Variants in EBF2 observed in about 807,000 individuals in gnomAD.
EBF2 encodes the protein EBF transcription factor 2.
A neutral mutation model predicts 72.8 loss-of-function variants in EBF2; 21 were observed. That is an observed-to-expected ratio of 0.29 (90% CI 0.20 to 0.42). EBF2 has a LOEUF of 0.42. EBF2 is among the 10% of genes least tolerant of loss of function. EBF2 has a pLI of 1.00. For missense variants in EBF2, 637 were observed against 731.2 expected (o/e 0.87, Z 1.49); for synonymous variants, 299 against 274.2 (o/e 1.09, Z -0.89).
intron 14 of EBF2, among the ~76,000 whole-genome samples, chr8:25,856,943 A>G (rs1585260610): frequency 1.3e-5 from 2 of 152,156 alleles, no homozygotes; most frequent in South Asian, 2.1e-4. Context: ...CCTGAACCAT[A>G]TTTGTTTCTT....
chr8:25,868,704 G>A (rs956760489), intron 10 of EBF2, among the ~76,000 whole-genome samples: 39 of 152,142 alleles, frequency 2.6e-4, no homozygotes, highest in African/African-American at 9.2e-4. Context: ...TTGAACTCCT[G>A]AGCTCAAGCA....
chr8:25,887,761 C>T, intron 9 of EBF2, 81 bp downstream of exon 9: 1 of 1,418,828 alleles, frequency 7.0e-7, no homozygotes, highest in African/African-American at 1.4e-5. Context: ...CTTTTTTACC[C>T]TTGGTGTTTG....
chr8:25,897,196 A>T (rs1563392678), intron 7 of EBF2, among the ~76,000 whole-genome samples: 1 of 151,540 alleles, frequency 6.6e-6, no homozygotes. Context: ...ATTACTCCTG[A>T]GAAGACGTGC....
At chr8:25,886,911 T>C (rs1802699054) in intron 9 of EBF2, 30 bp from the exon 10 acceptor site, 1 of 1,607,768 alleles carries the variant, frequency 6.2e-7, no homozygotes, top group South Asian at 1.1e-5. Context: ...GGAAATAAAA[T>C]ACCCATTAGA....
chr8:25,869,308 TCTCA>T lies in EBF2; in HGVS notation c.1010-6515_1010-6512del, dbSNP rs567258581. Among the ~76,000 whole-genome samples the T allele has an allele frequency of 1.8e-4, 27 of 152,260 alleles. No homozygotes were observed. The South Asian group carries it at 5.6e-3, about 32-fold the overall frequency. ...TCAACTTTCTGCTTGTGCCACTGGT[TCTCA>T]CTCCTCAAGTTGGAGACAGGGGAGC... On this transcript the variant is annotated intron_variant, in intron 10 of 15. Transcript: ENST00000520164.
intron 6 of EBF2, among the ~76,000 whole-genome samples, chr8:25,987,750 C>T (rs1239675472): frequency 6.6e-6 from 1 of 152,142 alleles, no homozygotes; most frequent in African/African-American, 2.4e-5. Flanking sequence ...GAACCCACCC[C>T]CATTCCAATG....
chr8:25,880,638 T>G (rs908735211), intron 10 of EBF2, among the ~76,000 whole-genome samples: 6 of 152,202 alleles, frequency 3.9e-5, no homozygotes, highest in African/African-American at 1.4e-4. Context: ...ATTCTTTTAA[T>G]TATTGAAACT....
chr8:25,973,285 C>T (rs191438757), intron 6 of EBF2, among the ~76,000 whole-genome samples: 10 of 152,212 alleles, frequency 6.6e-5, no homozygotes, highest in Admixed American at 3.9e-4. Context: ...ACTCTGATTC[C>T]ATCCTTTTAG....
intron 6 of EBF2, among the ~76,000 whole-genome samples, chr8:25,997,548 G>A (rs147147824): frequency 1.4e-5 from 2 of 144,314 alleles, no homozygotes; most frequent in East Asian, 3.9e-4. Flanking sequence ...TCTGGCTCTG[G>A]GCAACAGAAC....
chr8:25,976,865 G>A (rs1321244735), intron 6 of EBF2, among the ~76,000 whole-genome samples: 1 of 152,118 alleles, frequency 6.6e-6, no homozygotes, highest in African/African-American at 2.4e-5. Flanking sequence ...GCCACTTTGG[G>A]GTTAATGTGA....
chr8:26,029,552 C>T (rs1805363742), intron 6 of EBF2, among the ~76,000 whole-genome samples: 1 of 152,214 alleles, frequency 6.6e-6, no homozygotes, highest in South Asian at 2.1e-4. Flanking sequence ...TCCTCTCCCT[C>T]TCCCTGGAAC....
chr8:26,041,215 T>C (rs1315184967), intron 2 of EBF2: 12 of 604,930 alleles, frequency 2.0e-5, no homozygotes, highest in Non-Finnish European at 3.2e-5. Context: ...CTTGACCCTT[T>C]CCAGCCCTCT....
intron 10 of EBF2, among the ~76,000 whole-genome samples, chr8:25,879,968 G>A (rs1302823915): frequency 1.3e-5 from 2 of 152,082 alleles, no homozygotes; most frequent in African/African-American, 4.8e-5. Context: ...TATTATAATA[G>A]GTTTCTTTGT....
chr8:25,948,098 TAG>T (rs1325254755), intron 6 of EBF2, among the ~76,000 whole-genome samples: 1 of 152,312 alleles, frequency 6.6e-6, no homozygotes, highest in East Asian at 1.9e-4. Flanking sequence ...CATTCATTCA[TAG>T]AGTCATTCTA....
intron 6 of EBF2, among the ~76,000 whole-genome samples, chr8:25,914,950 T>C (rs1160132216): frequency 6.6e-6 from 1 of 152,222 alleles, no homozygotes; most frequent in Admixed American, 6.5e-5. Context: ...TTTACAGAAA[T>C]GTTTTAAGCA....
chr8:26,039,907 G>C (rs1805569456), intron 5 of EBF2, 121 bp downstream of exon 5: 1 of 989,906 alleles, frequency 1.0e-6, no homozygotes, highest in South Asian at 1.4e-5. Context: ...CCGTCTGCCC[G>C]CGAGGCCTCC....
chr8:25,939,629 G>T (rs1803636366), intron 6 of EBF2, among the ~76,000 whole-genome samples: 1 of 152,184 alleles, frequency 6.6e-6, no homozygotes, highest in Non-Finnish European at 1.5e-5. Context: ...GCTCAGGAGG[G>T]TTAAGAAACA....
At chr8:25,983,982 C>T (rs143911932) in intron 6 of EBF2, among the ~76,000 whole-genome samples, 2,657 of 152,348 alleles carry the variant, frequency 0.017, 30 homozygotes, top group Non-Finnish European at 0.024. Context: ...TGGATAGCAG[C>T]ATTCCCTCAA....
At chr8:25,965,391 T>C (rs1205572369) in intron 6 of EBF2, among the ~76,000 whole-genome samples, 1 of 152,220 alleles carries the variant, frequency 6.6e-6, no homozygotes, top group Non-Finnish European at 1.5e-5. Context: ...TTGGGGTGCT[T>C]TTGATCTCAT....
Sources: allele counts gnomAD v4.1 joint callset (sites outside exome capture counted in the v4.1 genomes callset), GRCh38; gene constraint gnomAD v4.1.1; transcripts MANE v1.5; gene names NCBI Gene and HGNC (gene_info 2026-07-23, HGNC 2026-07-21).